Variants in PLXNA4 observed in about 807,000 individuals in gnomAD.
PLXNA4 encodes plexin A4.
Under a neutral mutation model 191.8 loss-of-function variants are expected in PLXNA4, and 44 were observed. That is an observed-to-expected ratio of 0.23 (90% CI 0.18 to 0.29). The LOEUF (loss-of-function observed/expected upper bound fraction) is 0.29. PLXNA4 is among the 10% of genes least tolerant of loss of function. The pLI is 1.00. For missense variants in PLXNA4, 1,800 were observed against 2,488.8 expected (o/e 0.72, Z 5.89); for synonymous variants, 1,082 against 1,009.5 (o/e 1.07, Z -1.36).
chr7:132,144,973 C>A (rs1351604251), intron 29 of PLXNA4, 146 bp downstream of exon 29: 7 of 1,160,434 alleles, frequency 6.0e-6, no homozygotes, highest in Non-Finnish European at 6.1e-6. Flanking sequence ...TGGGGAGGAC[C>A]AGAGAATGTG....
chr7:132,350,660 A>G (rs145513016), intron 3 of PLXNA4, among the ~76,000 whole-genome samples: 23 of 152,334 alleles, frequency 1.5e-4, no homozygotes, highest in Admixed American at 9.8e-4. Context: ...GAGGGTGTGC[A>G]GCAATTGGAA....
intron 9 of PLXNA4, among the ~76,000 whole-genome samples, chr7:132,212,451 G>A (rs769325138): frequency 1.5e-4 from 23 of 152,172 alleles, no homozygotes; most frequent in Non-Finnish European, 2.4e-4. Context: ...CTCAGAGGGA[G>A]AAGGCTTGAA....
chr7:132,159,649 G>T lies in PLXNA4; in HGVS notation c.4501-17C>A, dbSNP rs753568567. 42 of 1,613,310 alleles carry T rather than the reference G, an allele frequency of 2.6e-5. No individual in the cohort carries two copies. Among genetic ancestry groups the T allele is most frequent in the Non-Finnish European group, 3.3e-5 (39 of 1,179,576 alleles). On this transcript the variant is annotated splice_polypyrimidine_tract_variant and intron_variant, in intron 24 of 31. Coordinates refer to ENST00000321063, the MANE Select transcript of PLXNA4 (RefSeq NM_020911.2). ...GCTCAGGACCTGAAGGAAAGGTGGG[G>T]AGAGGAAGCATATGAAATGGGGTAG...
intron 4 of PLXNA4, among the ~76,000 whole-genome samples, chr7:132,260,788 G>A (rs956816945): frequency 6.6e-6 from 1 of 152,076 alleles, no homozygotes; most frequent in African/African-American, 2.4e-5. Context: ...TCCTCTGTAT[G>A]ATATCATAAT....
chr7:132,608,348 C>T (rs1802982431), intron 2 of PLXNA4, among the ~76,000 whole-genome samples: 1 of 152,160 alleles, frequency 6.6e-6, no homozygotes, highest in South Asian at 2.1e-4. Flanking sequence ...ATAGTTCATT[C>T]ATTTATTCAC....
In PLXNA4 at chr7:132,637,467, G is replaced by A. The variant is rs763907145; in HGVS notation, c.-87+8461C>T. On this transcript the variant is annotated intron_variant, in intron 2 of 4. Coordinates refer to the PLXNA4 transcript ENST00000378539. ...TTTCCACACCCTGCACAGGTGGAAG[G>A]CCACACGACGTTCTCAGTCACTGGA... Among the ~76,000 whole-genome samples the A allele has an allele frequency of 5.9e-5, 9 of 152,122 alleles. No individual in the cohort carries two copies. The South Asian group carries it at 8.3e-4, about 14-fold the overall frequency.
chr7:132,179,355 C>T (rs1272025719), intron 20 of PLXNA4, among the ~76,000 whole-genome samples: 2 of 149,566 alleles, frequency 1.3e-5, no homozygotes, highest in African/African-American at 5.0e-5. Context: ...GCACTGCCCA[C>T]TGCTGCCCGG....
intron 10 of PLXNA4, among the ~76,000 whole-genome samples, chr7:132,209,803 A>T (rs1480940014): frequency 1.3e-5 from 2 of 152,180 alleles, no homozygotes; most frequent in Admixed American, 1.3e-4. Context: ...AGGTGCAACT[A>T]GAAGAATACA....
chr7:132,325,170 A>G (rs952884244), intron 3 of PLXNA4, among the ~76,000 whole-genome samples: 4 of 152,150 alleles, frequency 2.6e-5, no homozygotes, highest in African/African-American at 9.7e-5. Flanking sequence ...CTCAAATTTT[A>G]CCACCCAACT....
chr7:132,567,251 T>C (rs924691585), intron 1 of PLXNA4, among the ~76,000 whole-genome samples: 3 of 152,234 alleles, frequency 2.0e-5, no homozygotes, highest in African/African-American at 7.2e-5. Flanking sequence ...GAGGATTTTA[T>C]AGACTAGTCT....
At chr7:132,500,177 T>C (rs777434916) in intron 2 of PLXNA4, among the ~76,000 whole-genome samples, 1 of 152,122 alleles carries the variant, frequency 6.6e-6, no homozygotes, top group Non-Finnish European at 1.5e-5. Context: ...TCATAACCTG[T>C]GCTATATAGA....
chr7:132,165,207 G>A lies in PLXNA4; in HGVS notation c.4287-7C>T. 6.2e-7 allele frequency: 1 copy of A among 1,611,744 alleles called. No homozygotes were observed. The highest frequency in any genetic ancestry group is 8.5e-7 in the Non-Finnish European group (1 of 1,178,544). ...CTCAGCCACTGACTCAGTCCTGTCAGCAGTCACCGAGGGAACCAACGGAAC... is the reference window on the plus strand; with the variant it reads ...CTCAGCCACTGACTCAGTCCTGTCAACAGTCACCGAGGGAACCAACGGAAC... On this transcript the variant is annotated splice_region_variant and splice_polypyrimidine_tract_variant and intron_variant, in intron 22 of 31. Transcript: ENST00000321063.
At chr7:132,512,046 T>C (rs897547467) in intron 1 of PLXNA4, among the ~76,000 whole-genome samples, 2 of 152,234 alleles carry the variant, frequency 1.3e-5, no homozygotes, top group African/African-American at 2.4e-5. Flanking sequence ...TTCCAGCCTT[T>C]GTCTGAAAGA....
intron 3 of PLXNA4, among the ~76,000 whole-genome samples, chr7:132,344,515 C>T (rs770541238): frequency 1.3e-5 from 2 of 152,242 alleles, no homozygotes; most frequent in African/African-American, 2.4e-5. Context: ...CTACTTCCTG[C>T]ACCCAGAAAT....
At chr7:132,466,080 C>T (rs535085180) in intron 3 of PLXNA4, among the ~76,000 whole-genome samples, 1 of 152,284 alleles carries the variant, frequency 6.6e-6, no homozygotes, top group African/African-American at 2.4e-5. Flanking sequence ...AGCTTCTCCC[C>T]TCAGAGACGA....
chr7:132,594,879 A>G (rs1802668189), intron 2 of PLXNA4, among the ~76,000 whole-genome samples: 2 of 151,882 alleles, frequency 1.3e-5, no homozygotes, highest in Non-Finnish European at 2.9e-5. Flanking sequence ...GGTCTAGTCC[A>G]GTGGTGTTTC....
At chr7:132,599,497 CTA>C (rs1201650288) in intron 2 of PLXNA4, among the ~76,000 whole-genome samples, 1 of 152,092 alleles carries the variant, frequency 6.6e-6, no homozygotes, top group Non-Finnish European at 1.5e-5. Context: ...GAATAACACT[CTA>C]TTTTTAAATA....
At chr7:132,142,234 C>T (rs755998335) in intron 29 of PLXNA4, among the ~76,000 whole-genome samples, 1 of 152,168 alleles carries the variant, frequency 6.6e-6, no homozygotes, top group Non-Finnish European at 1.5e-5. Flanking sequence ...CCTACGGCTT[C>T]CAACCAGCCT....
chr7:132,406,032 A>G (rs895564929), intron 3 of PLXNA4, among the ~76,000 whole-genome samples: 1 of 152,184 alleles, frequency 6.6e-6, no homozygotes, highest in African/African-American at 2.4e-5. Flanking sequence ...GGCAGTGACA[A>G]TGACTCAATG....
Sources: allele counts gnomAD v4.1 joint callset (sites outside exome capture counted in the v4.1 genomes callset), GRCh38; gene constraint gnomAD v4.1.1; transcripts MANE v1.5; gene names NCBI Gene and HGNC (gene_info 2026-07-23, HGNC 2026-07-21).